The following ZNF664 variants were observed in gnomAD, a reference collection of about 807,000 sequenced individuals.
The protein encoded by ZNF664 is zinc finger protein 664.
Under a neutral mutation model 18.2 loss-of-function variants are expected in ZNF664, and 10 were observed. That is an observed-to-expected ratio of 0.55 (90% confidence interval 0.34 to 0.93). The LOEUF is 0.93. ZNF664 is among the 40% of genes least tolerant of loss of function. The pLI is 0.02. For missense variants in ZNF664, 193 were observed against 319.0 expected (o/e 0.61, Z 3.01); for synonymous variants, 119 against 104.2 (o/e 1.14, Z -0.86).
chr12:123,996,449 T>C (rs1490251574), intron 3 of ZNF664, among the ~76,000 whole-genome samples: 1 of 152,090 alleles, frequency 6.6e-6, no homozygotes, highest in African/African-American at 2.4e-5. Flanking sequence ...GCATAACAAT[T>C]CAAGATTTTG....
intron 2 of ZNF664, among the ~76,000 whole-genome samples, chr12:123,986,013 G>A (rs924027964): frequency 2.0e-5 from 3 of 151,778 alleles, no homozygotes; most frequent in Admixed American, 6.6e-5. Flanking sequence ...ATAGGTCTTC[G>A]AGATGCTCAT....
intron 3 of ZNF664, among the ~76,000 whole-genome samples, chr12:124,009,829 T>C (rs1957113974): frequency 6.6e-6 from 1 of 151,958 alleles, no homozygotes; most frequent in Non-Finnish European, 1.5e-5. Context: ...GTTTATTTTA[T>C]ATATTACCTT....
intron 3 of ZNF664, among the ~76,000 whole-genome samples, chr12:123,999,235 G>A (rs927472222): frequency 3.3e-5 from 5 of 152,152 alleles, no homozygotes; most frequent in African/African-American, 4.8e-5. Context: ...ATTGGAGGCC[G>A]ACATGTCATC....
intron 3 of ZNF664, chr12:124,006,294 C>A (rs371855563): frequency 6.6e-6 from 1 of 152,270 alleles, no homozygotes; most frequent in Admixed American, 6.5e-5. Context: ...CAGCCTCGGC[C>A]CTATGCTGGA....
intron 2 of ZNF664, chr12:123,974,285 G>A (rs1036580310): frequency 5.5e-6 from 2 of 365,386 alleles, no homozygotes; most frequent in Non-Finnish European, 9.7e-6. Context: ...GAACTGAACT[G>A]TTCTGGTTGC....
intron 3 of ZNF664, 146 bp from the exon 4 acceptor site, chr12:124,011,235 C>A: frequency 1.1e-6 from 1 of 947,076 alleles, no homozygotes; most frequent in Non-Finnish European, 1.3e-6. Context: ...TTTTCATACT[C>A]ACATGTAGGT....
intron 3 of ZNF664, chr12:123,998,510 C>A (rs1956975707): frequency 6.6e-6 from 1 of 152,572 alleles, no homozygotes. Flanking sequence ...GGCTTGGCAT[C>A]TGATGACCTC....
chr12:124,003,911 A>C (rs1472586105), intron 3 of ZNF664, among the ~76,000 whole-genome samples: 1 of 152,220 alleles, frequency 6.6e-6, no homozygotes, highest in Non-Finnish European at 1.5e-5. Flanking sequence ...TAAACCTGGC[A>C]TTATTCAGCC....
intron 3 of ZNF664, among the ~76,000 whole-genome samples, chr12:124,004,681 A>G (rs1402036594): frequency 1.3e-5 from 2 of 152,188 alleles, no homozygotes; most frequent in Admixed American, 6.5e-5. Context: ...AAGCCAGTGA[A>G]GCTTCATCTA....
In ZNF664 at chr12:124,012,561, A is replaced by G; in HGVS notation, c.417A>G (p.Gly139=). ...NLCMHQRVHT[G]EKPFKCEECG... ...GCATGCATCAGAGAGTCCACACCGG[A>G]GAGAAGCCCTTTAAATGTGAAGAGT... The change falls in exon 5 of 5, where the codon GGA becomes GGG. Residue 139 remains glycine (G), a synonymous_variant. Coordinates refer to ENST00000337815, the MANE Select transcript of ZNF664 (RefSeq NM_152437.3). 2 of 1,614,024 alleles carry G rather than the reference A, an allele frequency of 1.2e-6. No individual in the cohort carries two copies. Among genetic ancestry groups the G allele is most frequent in the Non-Finnish European group, 8.5e-7 (1 of 1,179,964 alleles).
intron 3 of ZNF664, among the ~76,000 whole-genome samples, chr12:123,993,305 T>C (rs1333907724): frequency 6.6e-6 from 1 of 152,144 alleles, no homozygotes; most frequent in East Asian, 1.9e-4. Context: ...AAGGGCCTCT[T>C]TGGGACATGA....
chr12:123,989,443 G>T (rs936595709), intron 3 of ZNF664: 3 of 152,180 alleles, frequency 2.0e-5, no homozygotes, highest in African/African-American at 7.2e-5. Flanking sequence ...ATCGTGAGTG[G>T]TAAGACCAAA....
intron 2 of ZNF664, 155 bp downstream of exon 2, chr12:123,974,175 C>G: frequency 2.2e-6 from 1 of 457,688 alleles, no homozygotes; most frequent in Non-Finnish European, 3.5e-6. Flanking sequence ...CCGGATCCAT[C>G]TCTCCGCCAC....
At chr12:123,983,289 A>G (rs1247579569) in intron 2 of ZNF664, among the ~76,000 whole-genome samples, 1 of 152,274 alleles carries the variant, frequency 6.6e-6, no homozygotes, top group Non-Finnish European at 1.5e-5. Flanking sequence ...AATTTTGAAG[A>G]TGTAGCAGAA....
intron 2 of ZNF664, among the ~76,000 whole-genome samples, chr12:123,975,381 A>C (rs1251319745): frequency 6.6e-6 from 1 of 151,680 alleles, no homozygotes; most frequent in African/African-American, 2.4e-5. Flanking sequence ...AATATTTTGC[A>C]AAGCATTTTT....
intron 3 of ZNF664, among the ~76,000 whole-genome samples, chr12:123,997,139 G>C (rs1221756060): frequency 6.6e-6 from 1 of 152,194 alleles, no homozygotes; most frequent in African/African-American, 2.4e-5. Context: ...TTTTGGACGT[G>C]ATTAAAGGTG....
At chr12:123,991,189 A>G (rs1956884898) in intron 3 of ZNF664, among the ~76,000 whole-genome samples, 1 of 152,348 alleles carries the variant, frequency 6.6e-6, no homozygotes, top group Admixed American at 6.5e-5. Context: ...TGTGGGGTTC[A>G]CGTAGGGGCT....
chr12:123,995,817 T>G (rs1334496399), intron 3 of ZNF664, among the ~76,000 whole-genome samples: 3 of 152,222 alleles, frequency 2.0e-5, no homozygotes, highest in African/African-American at 7.2e-5. Context: ...TCTTCACAAT[T>G]CAGAGTACGT....
Position 124,014,782 on chromosome 12 carries a change from G to A in ZNF664, c.*1852G>A, listed in dbSNP as rs115682148. 2 of 166,412 alleles carry A rather than the reference G, an allele frequency of 1.2e-5. No homozygotes were observed. Among genetic ancestry groups the A allele is most frequent in the African/African-American group, 4.8e-5 (2 of 41,450 alleles). The allele number at this position is 166,412 out of a possible 1,614,324, so 10.3% of individuals were successfully genotyped here. On this transcript the variant is annotated 3_prime_UTR_variant, in exon 5 of 5. Transcript: ENST00000337815. ...TATAACTAAAACCTCAGCGCATAAA[G>A]GAGATTTAAAAGGAGCACATGATTT...
Sources: gnomAD v4.1 joint callset for allele counts (sites outside exome capture counted in the v4.1 genomes callset) on GRCh38, gnomAD v4.1.1 for gene constraint, MANE v1.5 for transcripts, NCBI Gene and HGNC (gene_info 2026-07-23, HGNC 2026-07-21) for gene names.